Variants in DDX6 observed in about 807,000 individuals in gnomAD.
DDX6 encodes the protein probable ATP-dependent RNA helicase DDX6.
DDX6 carries 7 observed loss-of-function variants against 60.6 expected under a neutral mutation model. The observed-to-expected ratio is 0.12, with a 90% confidence interval of 0.07 to 0.22. The LOEUF (loss-of-function observed/expected upper bound fraction) is 0.22. Among genes scored for constraint, DDX6 ranks in the 10% least tolerant of loss-of-function variants. DDX6 has a pLI of 1.00. For synonymous variants in DDX6, 207 were observed against 201.0 expected (o/e 1.03, Z -0.25); for missense variants, 270 against 589.9 (o/e 0.46, Z 5.62).
rs782491939 is a variant in DDX6 at position 118,760,051 on chromosome 11, T to C, written c.742-7A>G. 2.5e-6 allele frequency: 4 copies of C among 1,609,296 alleles called. No individual in the cohort carries two copies. The highest frequency in any genetic ancestry group is 1.3e-5 in the African/African-American group (1 of 74,582). On this transcript the variant is annotated splice_region_variant and splice_polypyrimidine_tract_variant and intron_variant, in intron 7 of 13. Coordinates refer to ENST00000534980, the MANE Select transcript of DDX6 (RefSeq NM_004397.6). ...GTGACAGCAACTTATCTGCCTGCAGTAGAAAGAAAAGACAATTTTAAAAAC... is the reference window on the plus strand; with the variant it reads ...GTGACAGCAACTTATCTGCCTGCAGCAGAAAGAAAAGACAATTTTAAAAAC...
intron 7 of DDX6, among the ~76,000 whole-genome samples, chr11:118,760,520 G>A (rs1861127156): frequency 6.6e-6 from 1 of 152,108 alleles, no homozygotes. Flanking sequence ...GTATGGTGTA[G>A]TGTTTAAAAG....
At chr11:118,777,949 A>G (rs1378987501) in intron 4 of DDX6, among the ~76,000 whole-genome samples, 7 of 151,634 alleles carry the variant, frequency 4.6e-5, no homozygotes, top group African/African-American at 1.7e-4. Context: ...AAGGGGACAC[A>G]TCATAAAAAC....
intron 7 of DDX6, among the ~76,000 whole-genome samples, chr11:118,760,277 TC>T (rs1261442473): frequency 2.0e-5 from 3 of 151,934 alleles, no homozygotes; most frequent in African/African-American, 7.3e-5. Flanking sequence ...ACAGACAACC[TC>T]CCCCGCTTTC....
chr11:118,777,353 T>C (rs1861735151), intron 4 of DDX6, among the ~76,000 whole-genome samples: 2 of 152,284 alleles, frequency 1.3e-5, no homozygotes, highest in South Asian at 4.1e-4. Flanking sequence ...TTTATCAAAC[T>C]GGCCTATGTA....
At chr11:118,757,051 G>T in intron 10 of DDX6, 120 bp downstream of exon 10, 1 of 494,962 alleles carries the variant, frequency 2.0e-6, no homozygotes, top group Non-Finnish European at 3.5e-6. Context: ...CAAAATGAAA[G>T]GTCCTTTGGC....
intron 4 of DDX6, among the ~76,000 whole-genome samples, chr11:118,778,149 G>C (rs1861768224): frequency 6.6e-6 from 1 of 152,078 alleles, no homozygotes; most frequent in Non-Finnish European, 1.5e-5. Flanking sequence ...GCTAGAATTG[G>C]AAAGTCATCA....
intron 13 of DDX6, among the ~76,000 whole-genome samples, chr11:118,752,547 C>T (rs998270641): frequency 1.3e-5 from 2 of 151,554 alleles, no homozygotes; most frequent in African/African-American, 4.9e-5. Flanking sequence ...CTGAGGTGGG[C>T]GGATCACCTG....
At chr11:118,784,363 G>C (rs1344338914) in intron 2 of DDX6, among the ~76,000 whole-genome samples, 1 of 151,986 alleles carries the variant, frequency 6.6e-6, no homozygotes, top group Non-Finnish European at 1.5e-5. Context: ...TGTAGGAAGT[G>C]AAAAGATCTA....
chr11:118,766,880 T>G (rs1177219385), intron 5 of DDX6, among the ~76,000 whole-genome samples: 2 of 143,296 alleles, frequency 1.4e-5, no homozygotes, highest in Admixed American at 7.2e-5. Context: ...CACCTGGCCT[T>G]CTGCTGCTGC....
chr11:118,769,676 A>T (rs113607538), intron 4 of DDX6, among the ~76,000 whole-genome samples: 1 of 152,056 alleles, frequency 6.6e-6, no homozygotes, highest in Admixed American at 6.5e-5. Context: ...AAAAAGCTTG[A>T]TCGTTGAAAA....
At chr11:118,756,026 C>CT (rs1860962095) in intron 11 of DDX6, among the ~76,000 whole-genome samples, 1 of 134,044 alleles carries the variant, frequency 7.5e-6, no homozygotes, top group Non-Finnish European at 1.6e-5. Context: ...TCCCCCCCCC[C>CT]CCCAAAAAAA....
rs141349573 is a variant in DDX6 at position 118,782,619 on chromosome 11, T to C, written c.201-1435A>G. 5.0e-3 allele frequency among the ~76,000 whole-genome samples: 750 copies of C among 149,322 alleles called. 8 individuals carry two copies. Among genetic ancestry groups the C allele is most frequent in the Middle Eastern group, 0.028 (8 of 290 alleles). The stretch of plus-strand genomic sequence containing the variant: ...AACATTGGTAACTTTTTGCTACCAA[T>C]TCCAAGACTACTACTGTACTAAAGC... On this transcript the variant is annotated intron_variant, in intron 2 of 13. Coordinates refer to ENST00000534980, the MANE Select transcript of DDX6 (RefSeq NM_004397.6).
chr11:118,781,290 A>ACTG, intron 2 of DDX6, 106 bp from the exon 3 acceptor site: 1 of 691,106 alleles, frequency 1.4e-6, no homozygotes, highest in South Asian at 1.8e-5. Context: ...TAAGTTTAAT[A>ACTG]TATTCCATTT....
intron 5 of DDX6, 69 bp downstream of exon 5, chr11:118,768,153 AT>A: frequency 7.2e-7 from 1 of 1,395,640 alleles, no homozygotes; most frequent in Non-Finnish European, 9.7e-7. Flanking sequence ...AAAAAAGAGT[AT>A]CTTCTACACA....
intron 11 of DDX6, 61 bp downstream of exon 11, chr11:118,756,199 G>A (rs1485427853): frequency 7.1e-7 from 1 of 1,401,792 alleles, no homozygotes; most frequent in Non-Finnish European, 1.0e-6. Context: ...AATATGAACA[G>A]AGAAAGCAAA....
At chr11:118,786,893 G>C (rs1451343023) in intron 1 of DDX6, 4 of 152,146 alleles carry the variant, frequency 2.6e-5, no homozygotes, top group East Asian at 1.9e-4. Context: ...ACAACTCACT[G>C]AAGTATCACA....
chr11:118,781,296 C>A, intron 2 of DDX6, 112 bp from the exon 3 acceptor site: 4 of 633,252 alleles, frequency 6.3e-6, no homozygotes, highest in Non-Finnish European at 1.1e-5. Context: ...TAATATATTC[C>A]ATTTAATATA....
At chr11:118,785,382 T>C (rs540413278) in intron 2 of DDX6, among the ~76,000 whole-genome samples, 5 of 152,122 alleles carry the variant, frequency 3.3e-5, no homozygotes, top group South Asian at 2.1e-4. Flanking sequence ...AATTTTTTTT[T>C]TGGGTAGAGA....
chr11:118,779,521 T>C, intron 4 of DDX6, 111 bp downstream of exon 4: 1 of 651,834 alleles, frequency 1.5e-6, no homozygotes, highest in Non-Finnish European at 2.6e-6. Flanking sequence ...AAAAAGTGTG[T>C]ATACGTGAGA....
Sources: allele counts gnomAD v4.1 joint callset (sites outside exome capture counted in the v4.1 genomes callset), GRCh38; gene constraint gnomAD v4.1.1; transcripts MANE v1.5; gene names NCBI Gene and HGNC (gene_info 2026-07-23, HGNC 2026-07-21).